The following TM9SF3 variants were observed in gnomAD, a reference collection of about 807,000 sequenced individuals.
TM9SF3 encodes the protein SM-11044-binding protein.
A neutral mutation model predicts 78.6 loss-of-function variants in TM9SF3; 14 were observed. The observed-to-expected ratio is 0.18, with a 90% CI of 0.12 to 0.28. The LOEUF (loss-of-function observed/expected upper bound fraction) is 0.28, where lower values mean the gene tolerates loss of function less well. TM9SF3 is among the 10% of genes least tolerant of loss of function. The probability of loss-of-function intolerance (pLI) is 1.00; values close to 1 mark genes in which losing one functional copy is unlikely to be tolerated. For synonymous variants in TM9SF3, 231 were observed against 241.7 expected (o/e 0.96, Z 0.41); for missense variants, 496 against 721.9 (o/e 0.69, Z 3.59).
intron 9 of TM9SF3, among the ~76,000 whole-genome samples, chr10:96,541,899 C>T (rs1028930649): frequency 1.1e-3 from 171 of 152,290 alleles, no homozygotes; most frequent in African/African-American, 3.6e-3. Flanking sequence ...GGGAGCCTTT[C>T]GGCTCACAGA....
Position 96,586,794 on chromosome 10 carries a change from G to C in TM9SF3, c.42C>G (p.Ala14=). The change falls in exon 1 of 15, where the codon GCC becomes GCG. Residue 14 remains alanine, a synonymous_variant. Coordinates refer to ENST00000371142, the MANE Select transcript of TM9SF3 (RefSeq NM_020123.4). ...LPGALGVAAA[A]ALWLLLLLLP... ...GCAGCAGCAGCAGCAGCCACAGCGC[G>C]GCGGCCGCCGCCACGCCAAGAGCGC... The C allele has an allele frequency of 7.8e-7, 1 of 1,280,314 alleles. No individual in the cohort carries two copies. Among genetic ancestry groups the C allele is most frequent in the East Asian group, 3.3e-5 (1 of 30,682 alleles). The allele number at this position is 1,280,314 out of a possible 1,614,324, so 79.3% of individuals were successfully genotyped here.
intron 9 of TM9SF3, among the ~76,000 whole-genome samples, chr10:96,535,060 T>C (rs1847940550): frequency 6.6e-6 from 1 of 152,196 alleles, no homozygotes; most frequent in Non-Finnish European, 1.5e-5. Flanking sequence ...TGACAGGCAA[T>C]TGAGTGGCAG....
intron 9 of TM9SF3, among the ~76,000 whole-genome samples, chr10:96,533,935 A>G (rs1847925014): frequency 6.6e-6 from 1 of 152,208 alleles, no homozygotes; most frequent in African/African-American, 2.4e-5. Flanking sequence ...TTTCCGGCCA[A>G]CCATCTAATT....
intron 1 of TM9SF3, among the ~76,000 whole-genome samples, chr10:96,579,619 T>C (rs1848537879): frequency 6.6e-6 from 1 of 152,206 alleles, no homozygotes; most frequent in African/African-American, 2.4e-5. Context: ...TAATAAAATT[T>C]ATATCATTTT....
In TM9SF3 at chr10:96,551,294, C is replaced by T; in HGVS notation, c.910G>A (p.Val304Met). 1.9e-6 allele frequency: 3 copies of T among 1,612,766 alleles called. No individual in the cohort carries two copies. Among genetic ancestry groups the T allele is most frequent in the Non-Finnish European group, 1.7e-6 (2 of 1,179,570 alleles). ...LIGSGCQIFAVSLIVIIVAMI... is the reference protein window; with the variant it reads ...LIGSGCQIFAMSLIVIIVAMI... ...GCAACAATAATAACGATGAGAGACA[C>T]AGCAAATATCTGACATCCAGAACCA... The change falls in exon 7 of 15, where the codon GTG (valine) becomes ATG (methionine). Residue 304 changes from valine (V) to methionine (M), a missense_variant. By Grantham distance (21) the Val-to-Met change is conservative (BLOSUM62 1). Transcript: ENST00000371142.
In TM9SF3 at chr10:96,522,161, T is replaced by A; in HGVS notation, c.*102A>T. 2 of 946,210 alleles carry A rather than the reference T, an allele frequency of 2.1e-6. No homozygotes were observed. Among genetic ancestry groups the A allele is most frequent in the Non-Finnish European group, 3.3e-6 (2 of 611,142 alleles). The allele number at this position is 946,210 out of a possible 1,614,324, so 58.6% of individuals were successfully genotyped here. A position where few individuals can be genotyped will look rare whatever the true frequency, so the allele number is the denominator to read the frequency against. On this transcript the variant is annotated 3_prime_UTR_variant, in exon 15 of 15. Coordinates refer to ENST00000371142, the MANE Select transcript of TM9SF3 (RefSeq NM_020123.4). ...AGAGAGACCCACAAAGTACCCAGTG[T>A]GTTAAAGCCCAAATCTCTTCTTGCG...
chr10:96,560,082 T>C, intron 4 of TM9SF3: 1 of 597,570 alleles, frequency 1.7e-6, no homozygotes, highest in Non-Finnish European at 3.0e-6. Context: ...TAAGAATCTG[T>C]ACATCTGCCT....
intron 2 of TM9SF3, among the ~76,000 whole-genome samples, chr10:96,570,727 A>G (rs1328288325): frequency 6.6e-6 from 1 of 150,918 alleles, no homozygotes; most frequent in Non-Finnish European, 1.5e-5. Context: ...AGAGACAAAG[A>G]GAAGAGACAA....
chr10:96,547,154 T>G (rs1848111196), intron 8 of TM9SF3, among the ~76,000 whole-genome samples: 1 of 152,194 alleles, frequency 6.6e-6, no homozygotes, highest in African/African-American at 2.4e-5. Context: ...ATAGCAGAAA[T>G]CTTTGCGAAG....
At chr10:96,586,519 C>A (rs1166373902) in intron 1 of TM9SF3, among the ~76,000 whole-genome samples, 1 of 151,770 alleles carries the variant, frequency 6.6e-6, no homozygotes, top group Non-Finnish European at 1.5e-5. Context: ...GGAAGGAGAC[C>A]CTGTCACTCG....
chr10:96,522,891 C>T (rs113776568), intron 14 of TM9SF3, among the ~76,000 whole-genome samples: 56 of 151,590 alleles, frequency 3.7e-4, no homozygotes, highest in Admixed American at 1.1e-3. Flanking sequence ...GACATATTTG[C>T]GGGAATAGAC....
At position 96,565,282 on chromosome 10, in the gene TM9SF3, A is replaced by G. The variant is rs369706208; in HGVS notation, c.421+22T>C. 4.0e-6 allele frequency: 6 copies of G among 1,491,538 alleles called. No homozygotes were observed. The African/African-American group carries it at 5.9e-5, about 15-fold the overall frequency. 92.4% of individuals were successfully genotyped at this position (1,491,538 alleles called of 1,614,324 possible). ...GATTATGCAAATTTTCCCAAATCTT[A>G]AATACAACATACAATACTTACCCCA... On this transcript the variant is annotated intron_variant, in intron 3 of 14. Transcript: ENST00000371142.
At chr10:96,556,788 C>T (rs1385617727) in intron 5 of TM9SF3, among the ~76,000 whole-genome samples, 1 of 152,140 alleles carries the variant, frequency 6.6e-6, no homozygotes, top group African/African-American at 2.4e-5. Context: ...TTCCCATTCT[C>T]TCTTACAGCA....
In TM9SF3 at chr10:96,527,455, T is replaced by C. The variant is rs1847851532; in HGVS notation, c.1583A>G (p.Tyr528Cys). 1.2e-6 allele frequency: 2 copies of C among 1,611,324 alleles called. No individual in the cohort carries two copies. Among genetic ancestry groups the C allele is most frequent in the Non-Finnish European group, 1.7e-6 (2 of 1,178,532 alleles). Residue 528 changes from tyrosine to cysteine, a missense_variant, in exon 13 of 15, where the codon TAT becomes TGT. Around this residue, in one of 4 missense-constraint regions of TM9SF3, gnomAD observed 280 missense variants for 422.6 expected, o/e 0.66. Coordinates refer to ENST00000371142, the MANE Select transcript of TM9SF3 (RefSeq NM_020123.4). ...GTAGTAAAAGGAATACATGTAAACATAGATTGCAGTTGATGCAGCAGAGAG... is the reference window on the plus strand; with the variant it reads ...GTAGTAAAAGGAATACATGTAAACACAGATTGCAGTTGATGCAGCAGAGAG... ...SFLSAASTAI[Y>C]VYMYSFYYYF... is the part of the protein sequence containing the mutation.
chr10:96,555,535 C>T (rs1564934524), intron 5 of TM9SF3, among the ~76,000 whole-genome samples: 2 of 152,186 alleles, frequency 1.3e-5, no homozygotes, highest in Non-Finnish European at 2.9e-5. Flanking sequence ...GGCTAACGTG[C>T]TGAATATGTG....
intron 2 of TM9SF3, among the ~76,000 whole-genome samples, chr10:96,566,567 C>T (rs1266479887): frequency 6.6e-6 from 1 of 152,210 alleles, no homozygotes; most frequent in Non-Finnish European, 1.5e-5. Context: ...GAAATACCTT[C>T]TTACCCTCAA....
At chr10:96,580,972 A>G (rs368050644) in intron 1 of TM9SF3, among the ~76,000 whole-genome samples, 3 of 152,240 alleles carry the variant, frequency 2.0e-5, no homozygotes, top group African/African-American at 7.2e-5. Flanking sequence ...AGTCAGCTTC[A>G]TTCATTAAAG....
chr10:96,553,030 G>A lies in TM9SF3; in HGVS notation c.690C>T (p.Phe230=), dbSNP rs113055443. 412 of 1,596,138 alleles carry A rather than the reference G, an allele frequency of 2.6e-4. 3 individuals carry two copies. The African/African-American group carries it at 5.2e-3, about 20-fold the overall frequency. The part of the protein sequence containing the change: ...RIHWFSIFNS[F]MMVIFLVGLV... ...AGCCCACCAAGAAGATCACCATCAT[G>A]AAGGAGTTGAAAATTGAAAACCAAT... is the stretch of plus-strand genomic sequence containing the variant. The change falls in exon 6 of 15, where the codon TTC becomes TTT. Residue 230 remains phenylalanine, a synonymous_variant. Transcript: ENST00000371142.
At chr10:96,570,931 G>A (rs1848431002) in intron 2 of TM9SF3, among the ~76,000 whole-genome samples, 1 of 151,960 alleles carries the variant, frequency 6.6e-6, no homozygotes, top group African/African-American at 2.4e-5. Flanking sequence ...TAGAGACAGG[G>A]TTTCACCATG....
Sources: allele counts gnomAD v4.1 joint callset (sites outside exome capture counted in the v4.1 genomes callset), GRCh38; gene constraint gnomAD v4.1.1; regional missense constraint gnomAD v4.1.1; transcripts MANE v1.5; gene names NCBI Gene and HGNC (gene_info 2026-07-23, HGNC 2026-07-21).